TMTC2: variants seen among roughly 807,000 people sequenced by gnomAD.
TMTC2 encodes the protein protein O-mannosyl-transferase TMTC2.
TMTC2 carries 43 observed loss-of-function variants against 82.4 expected under a neutral mutation model. That is an observed-to-expected ratio of 0.52 (90% CI 0.41 to 0.67). The LOEUF is 0.67. Ranked by LOEUF, TMTC2 falls within the 30% of genes least tolerant of loss-of-function variation. The probability of loss-of-function intolerance (pLI) is 0.00; values close to 1 mark genes in which losing one functional copy is unlikely to be tolerated. For missense variants in TMTC2, 919 were observed against 1,012.4 expected (o/e 0.91, Z 1.25); for synonymous variants, 408 against 381.9 (o/e 1.07, Z -0.80).
chr12:82,778,905 C>CA (rs1487709431), intron 1 of TMTC2, among the ~76,000 whole-genome samples: 34 of 137,578 alleles, frequency 2.5e-4, no homozygotes, highest in African/African-American at 8.8e-4. Flanking sequence ...GATGTGGTGG[C>CA]ATGCACCTGT....
chr12:83,008,400 G>A (rs1880300997), intron 8 of TMTC2, among the ~76,000 whole-genome samples: 1 of 152,008 alleles, frequency 6.6e-6, no homozygotes, highest in South Asian at 2.1e-4. Context: ...CGTCCATTTA[G>A]AAGTTTCTGT....
At chr12:83,121,489 T>G (rs1884945303) in intron 11 of TMTC2, among the ~76,000 whole-genome samples, 1 of 152,118 alleles carries the variant, frequency 6.6e-6, no homozygotes, top group Non-Finnish European at 1.5e-5. Flanking sequence ...GTTTGCATGG[T>G]ATCCTATAAT....
chr12:83,126,363 A>G (rs1473355939), intron 11 of TMTC2, among the ~76,000 whole-genome samples: 2 of 152,044 alleles, frequency 1.3e-5, no homozygotes. Flanking sequence ...ATAAAGTTAT[A>G]TTTGTTAGGC....
At chr12:83,061,186 A>G (rs962200079) in intron 10 of TMTC2, among the ~76,000 whole-genome samples, 1 of 151,820 alleles carries the variant, frequency 6.6e-6, no homozygotes, top group African/African-American at 2.4e-5. Context: ...TAACGAGAAC[A>G]TCCATTTAGC....
At chr12:82,876,575 C>T (rs11832145) in intron 2 of TMTC2, among the ~76,000 whole-genome samples, 65,540 of 151,844 alleles carry the variant, frequency 0.43, 14,346 homozygotes, top group Middle Eastern at 0.5. Flanking sequence ...TTGACATTTT[C>T]TCCCTGTTTT....
chr12:82,784,191 TAAATGG>T lies in TMTC2; in HGVS notation c.84-72815_84-72810del, dbSNP rs1878053627. Among the ~76,000 whole-genome samples the T allele has an allele frequency of 4.6e-5, 7 of 152,124 alleles. No homozygotes were observed. In the South Asian group the frequency reaches 1.2e-3, roughly 27 times the overall value. Reference sequence around the variant, plus strand: ...TATTTTGAATATTGTAAGTCTAAAATAAATGGAAACCCGAATAATGTGACAGAAATA... The same window carrying T: ...TATTTTGAATATTGTAAGTCTAAAATAAACCCGAATAATGTGACAGAAATA... On this transcript the variant is annotated intron_variant, in intron 1 of 11. Transcript: ENST00000321196.
chr12:82,858,631 A>T (rs951506754), intron 2 of TMTC2, among the ~76,000 whole-genome samples: 1 of 150,886 alleles, frequency 6.6e-6, no homozygotes. Context: ...CGAAACATCA[A>T]TTTTTTTAAA....
chr12:82,940,787 C>T (rs1876675791), intron 4 of TMTC2, among the ~76,000 whole-genome samples: 1 of 151,438 alleles, frequency 6.6e-6, no homozygotes, highest in South Asian at 2.1e-4. Context: ...GCAACACTTT[C>T]TGGGGAGGTT....
At chr12:82,865,885 A>G (rs546797108) in intron 2 of TMTC2, among the ~76,000 whole-genome samples, 2 of 152,326 alleles carry the variant, frequency 1.3e-5, no homozygotes, top group South Asian at 4.1e-4. Flanking sequence ...CTACATGGAA[A>G]CAGAACAACC....
At chr12:82,706,213 G>A (rs143549296) in intron 1 of TMTC2, among the ~76,000 whole-genome samples, 310 of 151,962 alleles carry the variant, frequency 2.0e-3, no homozygotes, top group African/African-American at 7.2e-3. Context: ...GGAGGCTGAG[G>A]CAGGAGAATC....
chr12:82,856,138 C>A (rs1000242473), intron 1 of TMTC2, among the ~76,000 whole-genome samples: 2 of 152,182 alleles, frequency 1.3e-5, no homozygotes, highest in Admixed American at 6.5e-5. Context: ...GCCAAGGAGA[C>A]CAGCATGGTG....
intron 1 of TMTC2, among the ~76,000 whole-genome samples, chr12:82,812,478 G>A (rs1245852083): frequency 6.6e-6 from 1 of 152,084 alleles, no homozygotes; most frequent in African/African-American, 2.4e-5. Context: ...AGTTTTTTGA[G>A]TGGAAGGGTT....
At chr12:82,866,253 A>ACC (rs1555192477) in intron 2 of TMTC2, among the ~76,000 whole-genome samples, 7 of 151,524 alleles carry the variant, frequency 4.6e-5, no homozygotes, top group African/African-American at 1.7e-4. Context: ...TCAAAAAAAA[A>ACC]AAAAAAAAAA....
chr12:82,742,780 G>A (rs947906857), intron 1 of TMTC2, among the ~76,000 whole-genome samples: 7 of 151,974 alleles, frequency 4.6e-5, no homozygotes, highest in Non-Finnish European at 8.8e-5. Flanking sequence ...TGCCTCAGCC[G>A]CCCGAAGTGC....
chr12:82,851,237 C>G (rs1485991861), intron 1 of TMTC2, among the ~76,000 whole-genome samples: 1 of 152,030 alleles, frequency 6.6e-6, no homozygotes, highest in Non-Finnish European at 1.5e-5. Context: ...CGAGACCAGT[C>G]TGGCCAACAT....
chr12:83,064,230 A>C (rs1204390002), intron 11 of TMTC2, among the ~76,000 whole-genome samples: 1 of 151,868 alleles, frequency 6.6e-6, no homozygotes, highest in Non-Finnish European at 1.5e-5. Context: ...CTGAACTAAA[A>C]AATGAAAGAC....
chr12:83,069,739 C>T (rs1277837942), intron 11 of TMTC2, among the ~76,000 whole-genome samples: 2 of 150,472 alleles, frequency 1.3e-5, no homozygotes, highest in African/African-American at 4.9e-5. Flanking sequence ...ATTGCATTTG[C>T]TTTTGGGTTA....
chr12:82,878,826 A>T (rs7301010), intron 2 of TMTC2, among the ~76,000 whole-genome samples: 1 of 152,050 alleles, frequency 6.6e-6, no homozygotes, highest in Non-Finnish European at 1.5e-5. Flanking sequence ...TCTCTTGAGC[A>T]CAGGAGTTCA....
intron 8 of TMTC2, among the ~76,000 whole-genome samples, chr12:82,995,477 C>T (rs146691281): frequency 0.019 from 2,939 of 152,192 alleles, 43 homozygotes; most frequent in Non-Finnish European, 0.031. Context: ...TTTGTGATTT[C>T]CCCTTATGTT....
Sources: allele counts gnomAD v4.1 joint callset (sites outside exome capture counted in the v4.1 genomes callset), GRCh38; gene constraint gnomAD v4.1.1; transcripts MANE v1.5; gene names NCBI Gene and HGNC (gene_info 2026-07-23, HGNC 2026-07-21).